The following CELSR2 variants were observed in gnomAD, a reference collection of about 807,000 sequenced individuals.
The protein encoded by CELSR2 is EGF-like protein 2.
Under a neutral mutation model 251.6 loss-of-function variants are expected in CELSR2, and 81 were observed. The observed-to-expected ratio is 0.32, with a 90% CI of 0.27 to 0.39. The LOEUF is 0.39. Ranked by LOEUF, CELSR2 falls within the 10% of genes least tolerant of loss-of-function variation. The probability of loss-of-function intolerance (pLI) is 1.00; values close to 1 mark genes in which losing one functional copy is unlikely to be tolerated. For synonymous variants in CELSR2, 1,721 were observed against 1,670.5 expected, an observed-to-expected ratio of 1.03 and a Z score of -0.74; for missense variants, 3,365 against 3,947.7, an observed-to-expected ratio of 0.85 and a Z score of 3.96.
Position 109,269,184 on chromosome 1 carries a change from C to T in CELSR2, c.6706C>T (p.Arg2236Trp), listed in dbSNP as rs759906012. ...EPEELARRQR[R>W]HPELSQGEAV... Reference sequence around the variant, plus strand: ...AGAGGAGCTGGCACGGCGACAGCGACGGCACCCGGAGCTGAGCCAGGGTGA... The same window carrying T: ...AGAGGAGCTGGCACGGCGACAGCGATGGCACCCGGAGCTGAGCCAGGGTGA... Residue 2236 changes from arginine (R) to tryptophan (W), a missense_variant, in exon 20 of 34, where the codon CGG becomes TGG. Arg to Trp is a moderately radical substitution (Grantham distance 101, BLOSUM62 -3). This residue lies in a region of CELSR2 where 2,093 missense variants were observed against 2,382.8 expected (regional missense o/e 0.88). Coordinates refer to ENST00000271332, the MANE Select transcript of CELSR2 (RefSeq NM_001408.3). The surrounding 1 kb of genome is among the most constrained non-coding windows in gnomAD (Gnocchi z 6.4). 45 of 1,612,248 alleles carry T rather than the reference C, an allele frequency of 2.8e-5. No individual in the cohort carries two copies. Among genetic ancestry groups the T allele is most frequent in the Non-Finnish European group, 3.1e-5 (37 of 1,179,610 alleles).
Position 109,264,377 on chromosome 1 carries a change from G to T in CELSR2, c.5289+12G>T, listed in dbSNP as rs556866207. The T allele has an allele frequency of 8.7e-6, 14 of 1,602,156 alleles. No homozygotes were observed. The South Asian group carries it at 1.3e-4, about 15-fold the overall frequency. ...GGGGCTGTTTGCAGGTGAGTGTCCT[G>T]CCCTGCCCTCCCATCCCCTCCCCCA... On this transcript the variant is annotated intron_variant, in intron 10 of 33. Coordinates refer to ENST00000271332, the MANE Select transcript of CELSR2 (RefSeq NM_001408.3).
rs1656437862 is a variant in CELSR2 at position 109,273,553 on chromosome 1, GAGGCCCCCCTCC to G, written c.8628_8639del (p.Gly2877_Pro2880del). On this transcript the variant is annotated inframe_deletion, in exon 33 of 34. Coordinates refer to ENST00000271332, the MANE Select transcript of CELSR2 (RefSeq NM_001408.3). ...TCCTCCGCTAGTGAGGGCAGCCGGG[GAGGCCCCCCTCC>G]CCGCCCACCGCCCCGGCAGAGCCTC... 1 of 1,580,052 alleles carries G rather than the reference GAGGCCCCCCTCC, an allele frequency of 6.3e-7. No homozygotes were observed. The highest frequency in any genetic ancestry group is 8.6e-7 in the Non-Finnish European group (1 of 1,163,522).
rs764416769 is a variant in CELSR2 at position 109,250,428 on chromosome 1, C to T, written c.349C>T (p.Leu117=). ...PEGCPWSCRL[L]GIGGHLSPQG... Reference sequence around the variant, plus strand: ...AGGCTGCCCCTGGAGCTGTCGCCTCCTGGGCATTGGAGGCCACCTTTCCCC... The same window carrying T: ...AGGCTGCCCCTGGAGCTGTCGCCTCTTGGGCATTGGAGGCCACCTTTCCCC... The change falls in exon 1 of 34, where the codon CTG becomes TTG. Residue 117 remains leucine (L), a synonymous_variant. Coordinates refer to ENST00000271332, the MANE Select transcript of CELSR2 (RefSeq NM_001408.3). This position sits in a 1 kb window ranked among gnomAD's most constrained non-coding sequence, Gnocchi z 4.4. 1.9e-6 allele frequency: 3 copies of T among 1,613,702 alleles called. No homozygotes were observed. The highest frequency in any genetic ancestry group is 2.5e-6 in the Non-Finnish European group (3 of 1,180,006).
chr1:109,268,611 G>A lies in CELSR2; in HGVS notation c.6349G>A (p.Asp2117Asn), dbSNP rs775573206. 6.2e-7 allele frequency: 1 copy of A among 1,613,494 alleles called. No homozygotes were observed. Among genetic ancestry groups the A allele is most frequent in the Non-Finnish European group, 8.5e-7 (1 of 1,179,830 alleles). ...NLLRVGSALL[D>N]TANKRHWELI... ...GCTGCGGGTGGGCAGCGCCCTCCTG[G>A]ACACAGCCAACAAGCGGCACTGGGA... Residue 2117 changes from aspartate (D) to asparagine (N), a missense_variant, in exon 18 of 34, where the codon GAC (aspartate) becomes AAC (asparagine). By Grantham distance (23) the Asp-to-Asn change is conservative. This residue lies in a region of CELSR2 where 2,093 missense variants were observed against 2,382.8 expected (regional missense o/e 0.88). Coordinates refer to ENST00000271332, the MANE Select transcript of CELSR2 (RefSeq NM_001408.3).
Position 109,251,246 on chromosome 1 carries a change from G to A in CELSR2, c.1167G>A (p.Val389=). The change falls in exon 1 of 34, where the codon GTG becomes GTA. Residue 389 remains valine (V), a synonymous_variant. Coordinates refer to ENST00000271332, the MANE Select transcript of CELSR2 (RefSeq NM_001408.3). This position sits in a 1 kb window ranked among gnomAD's most constrained non-coding sequence, Gnocchi z 4.9. ...CCACAGCCGCTGTTTTCCTTTCTGT[G>A]GAGGATGACAATGATAATGCCCCCC... ...RSTTAAVFLS[V]EDDNDNAPQF... 6.2e-7 allele frequency: 1 copy of A among 1,614,138 alleles called. No individual in the cohort carries two copies.
intron 29 of CELSR2, 34 bp downstream of exon 29, chr1:109,272,439 A>G: frequency 1.3e-6 from 2 of 1,590,148 alleles, no homozygotes; most frequent in Non-Finnish European, 1.7e-6. Flanking sequence ...GGAGGAGGGG[A>G]GGAGGGGCCC....
At position 109,250,834 on chromosome 1, in the gene CELSR2, A is replaced by G. The variant is rs370441047; in HGVS notation, c.755A>G (p.Lys252Arg). The change falls in exon 1 of 34, where the codon AAG becomes AGG. Residue 252 changes from lysine to arginine, a missense_variant. By Grantham distance (26) the Lys-to-Arg change is conservative. Transcript: ENST00000271332. The surrounding 1 kb of genome is among the most constrained non-coding windows in gnomAD (Gnocchi z 4.4). ...GCCGAGGAGCTGGATCGTGAGACCA[A>G]GAGCACCCACGTCTTCAGGGTCACG... ...TTAEELDRET[K>R]STHVFRVTAQ... is the part of the protein sequence containing the mutation. 1 of 1,614,044 alleles carries G rather than the reference A, an allele frequency of 6.2e-7. No homozygotes were observed. Among genetic ancestry groups the G allele is most frequent in the Non-Finnish European group, 8.5e-7 (1 of 1,180,032 alleles).
At chr1:109,255,164 G>A (rs564410537) in intron 1 of CELSR2, among the ~76,000 whole-genome samples, 41 of 152,326 alleles carry the variant, frequency 2.7e-4, no homozygotes, top group Non-Finnish European at 5.1e-4. Context: ...CAGTCACCAC[G>A]GCAACCCCAA....
chr1:109,251,133 C>T lies in CELSR2; in HGVS notation c.1054C>T (p.Arg352Cys), dbSNP rs927757225. 4.3e-6 allele frequency: 7 copies of T among 1,613,130 alleles called. No homozygotes were observed. The highest frequency in any genetic ancestry group is 5.1e-6 in the Non-Finnish European group (6 of 1,179,956). ...CCCTCGCTCTGGGGTGATCCGAACCCGTGGCCCTGTGGATCGGGAAGAGGT... is the reference window on the plus strand; with the variant it reads ...CCCTCGCTCTGGGGTGATCCGAACCTGTGGCCCTGTGGATCGGGAAGAGGT... ...IDPRSGVIRT[R>C]GPVDREEVES... The change falls in exon 1 of 34, where the codon CGT becomes TGT. Residue 352 changes from arginine (R) to cysteine (C), a missense_variant. Coordinates refer to ENST00000271332, the MANE Select transcript of CELSR2 (RefSeq NM_001408.3). This position sits in a 1 kb window ranked among gnomAD's most constrained non-coding sequence, Gnocchi z 4.9.
At position 109,250,042 on chromosome 1, in the gene CELSR2, C is replaced by A; in HGVS notation, c.-38C>A. ...GCAGGAGCCGGAGGAGGAGCCGCCG[C>A]CGCCGTTGACCCGGCCGCCGGCCGG... is the stretch of plus-strand genomic sequence containing the variant. On this transcript the variant is annotated 5_prime_UTR_variant, in exon 1 of 34. Transcript: ENST00000271332. This position sits in a 1 kb window ranked among gnomAD's most constrained non-coding sequence, Gnocchi z 4.4. The A allele has an allele frequency of 7.7e-7, 1 of 1,294,756 alleles. No individual in the cohort carries two copies. The highest frequency in any genetic ancestry group is 1.5e-5 in the African/African-American group (1 of 64,612). 80.2% of individuals were successfully genotyped at this position (1,294,756 alleles called of 1,614,324 possible). A position where few individuals can be genotyped will look rare whatever the true frequency, so the allele number is the denominator to read the frequency against.
intron 1 of CELSR2, among the ~76,000 whole-genome samples, chr1:109,254,522 C>T (rs552007564): frequency 6.6e-6 from 1 of 152,280 alleles, no homozygotes; most frequent in East Asian, 1.9e-4. Flanking sequence ...CTTCCCCAAG[C>T]CTGGGAACAA....
chr1:109,271,022 G>T lies in CELSR2; in HGVS notation c.7579G>T (p.Val2527Leu). The change falls in exon 25 of 34, where the codon GTG (valine) becomes TTG (leucine). Residue 2527 changes from valine to leucine, a missense_variant. Transcript: ENST00000271332. ...GCTCATCTGGAGTTTTGCTGGCCCG[G>T]TGGCCTTTGCCGTCTCGGTGAGTGC... The part of the protein sequence containing the change: ...DTLIWSFAGP[V>L]AFAVSMSVFL... 1 of 1,613,718 alleles carries T rather than the reference G, an allele frequency of 6.2e-7. No individual in the cohort carries two copies. The highest frequency in any genetic ancestry group is 8.5e-7 in the Non-Finnish European group (1 of 1,179,894).
At position 109,252,091 on chromosome 1, in the gene CELSR2, T is replaced by G. The variant is rs1477095135; in HGVS notation, c.2012T>G (p.Leu671Arg). Residue 671 changes from leucine to arginine, a missense_variant, in exon 1 of 34, where the codon CTG becomes CGG. This residue lies in a region of CELSR2 where 60 missense variants were observed against 104.8 expected (regional missense o/e 0.57). Transcript: ENST00000271332. This position sits in a 1 kb window ranked among gnomAD's most constrained non-coding sequence, Gnocchi z 4.8. ...QSGGGLVSLA[L>R]PLDYKLERQY... ...GGTGGTGGGCTGGTATCCCTTGCCC[T>G]GCCACTGGACTACAAACTTGAGCGG... 6.2e-7 allele frequency: 1 copy of G among 1,614,142 alleles called. No homozygotes were observed. Among genetic ancestry groups the G allele is most frequent in the Non-Finnish European group, 8.5e-7 (1 of 1,180,026 alleles).
rs1656468207 is a variant in CELSR2, at chr1:109,274,334, A to G, written c.*285A>G. 1 of 609,450 alleles carries G rather than the reference A, an allele frequency of 1.6e-6. No homozygotes were observed. Among genetic ancestry groups the G allele is most frequent in the African/African-American group, 1.9e-5 (1 of 53,852 alleles). 37.8% of individuals were successfully genotyped at this position (609,450 alleles called of 1,614,324 possible). A position where few individuals can be genotyped will look rare whatever the true frequency, so the allele number is the denominator to read the frequency against. On this transcript the variant is annotated 3_prime_UTR_variant, in exon 34 of 34. Coordinates refer to ENST00000271332, the MANE Select transcript of CELSR2 (RefSeq NM_001408.3). The stretch of plus-strand genomic sequence containing the variant: ...CAGAAAAGAGGAAAAAAAGAATTTA[A>G]AAAAGGATCTCCACTCTTCATGACT...
At position 109,251,542 on chromosome 1, in the gene CELSR2, C is replaced by T. The variant is rs1655688717; in HGVS notation, c.1463C>T (p.Ser488Phe). ...DGGRPPLSNV[S>F]GLVTVQVLDI... ...GGCCGTCCCCCACTCTCTAATGTCT[C>T]TGGCTTGGTGACAGTACAGGTCCTG... Residue 488 changes from serine (S) to phenylalanine (F), a missense_variant, in exon 1 of 34, where the codon TCT becomes TTT. Physicochemically the swap from Ser to Phe is radical, Grantham distance 155. This residue lies in a region of CELSR2 where 704 missense variants were observed against 784.1 expected (regional missense o/e 0.90). Coordinates refer to ENST00000271332, the MANE Select transcript of CELSR2 (RefSeq NM_001408.3). This position sits in a 1 kb window ranked among gnomAD's most constrained non-coding sequence, Gnocchi z 4.9. The T allele has an allele frequency of 6.2e-7, 1 of 1,613,716 alleles. No homozygotes were observed. Among genetic ancestry groups the T allele is most frequent in the Non-Finnish European group, 8.5e-7 (1 of 1,180,032 alleles).
In CELSR2 at chr1:109,274,156, C is replaced by T. The variant is rs1361546177; in HGVS notation, c.*107C>T. The T allele has an allele frequency of 6.2e-6, 10 of 1,601,944 alleles. No individual in the cohort carries two copies. Among genetic ancestry groups the T allele is most frequent in the African/African-American group, 4.0e-5 (3 of 74,654 alleles). On this transcript the variant is annotated 3_prime_UTR_variant, in exon 34 of 34. Transcript: ENST00000271332. ...CCTGCCCCGCTCCCCATCGCCTGCC[C>T]GCAGCAGCGACGAAACGTCCATCTG...
chr1:109,256,181 G>A (rs626387), intron 1 of CELSR2, among the ~76,000 whole-genome samples: 29,651 of 152,090 alleles, frequency 0.19, 3,901 homozygotes, highest in African/African-American at 0.37. Context: ...AGTCTGAAAC[G>A]GAGAGGAAAG....
rs1226274809 is a variant in CELSR2, at chr1:109,261,273, C to T, written c.4181+9C>T. On this transcript the variant is annotated intron_variant, in intron 3 of 33. Coordinates refer to ENST00000271332, the MANE Select transcript of CELSR2 (RefSeq NM_001408.3). This position sits in a 1 kb window ranked among gnomAD's most constrained non-coding sequence, Gnocchi z 4.8. Reference sequence around the variant, plus strand: ...TTCACCCTGGCCCTCTCGTGAGTGGCTGGGCACTGGGGGTGGGGAGTGGGC... The same window carrying T: ...TTCACCCTGGCCCTCTCGTGAGTGGTTGGGCACTGGGGGTGGGGAGTGGGC... The T allele has an allele frequency of 6.2e-7, 1 of 1,610,532 alleles. No individual in the cohort carries two copies. The highest frequency in any genetic ancestry group is 1.1e-5 in the South Asian group (1 of 90,832).
intron 1 of CELSR2, among the ~76,000 whole-genome samples, chr1:109,254,904 T>C (rs2101238779): frequency 6.6e-6 from 1 of 152,280 alleles, no homozygotes; most frequent in South Asian, 2.1e-4. Context: ...GCCTGGGCAC[T>C]TGAGACAAGT....
Sources: gnomAD v4.1 joint callset for allele counts (sites outside exome capture counted in the v4.1 genomes callset) on GRCh38, gnomAD v4.1.1 for gene constraint, gnomAD v4.1.1 regional missense constraint, Gnocchi (gnomAD v3.1) non-coding constraint, MANE v1.5 for transcripts, NCBI Gene and HGNC (gene_info 2026-07-23, HGNC 2026-07-21) for gene names.